Variants in PAWR observed in about 807,000 individuals in gnomAD.
PAWR encodes the protein pro-apoptotic WT1 regulator.
A neutral mutation model predicts 32.0 loss-of-function variants in PAWR; 23 were observed. The ratio of observed to expected loss-of-function variants is 0.72; its 90% CI spans 0.52 to 1.02. PAWR has a LOEUF of 1.02. PAWR is among the 50% of genes least tolerant of loss of function. The pLI is 0.00. For missense variants in PAWR, 457 were observed against 437.7 expected, an observed-to-expected ratio of 1.04 and a Z score of -0.39; for synonymous variants, 226 against 187.1, an observed-to-expected ratio of 1.21 and a Z score of -1.70.
intron 2 of PAWR, among the ~76,000 whole-genome samples, chr12:79,627,212 T>G (rs1050502966): frequency 2.6e-5 from 4 of 152,156 alleles, no homozygotes; most frequent in African/African-American, 9.7e-5. Context: ...ACCAACAGTG[T>G]AAAAGTGTTC....
At chr12:79,672,464 A>AT (rs959040871) in intron 2 of PAWR, among the ~76,000 whole-genome samples, 2 of 151,988 alleles carry the variant, frequency 1.3e-5, no homozygotes, top group African/African-American at 4.8e-5. Flanking sequence ...TACCTAGAAC[A>AT]TTTTTACCCC....
At chr12:79,637,233 G>T (rs1876003751) in intron 2 of PAWR, among the ~76,000 whole-genome samples, 1 of 152,124 alleles carries the variant, frequency 6.6e-6, no homozygotes, top group Non-Finnish European at 1.5e-5. Flanking sequence ...CAAACCATGT[G>T]TGTGGATTAA....
intron 2 of PAWR, among the ~76,000 whole-genome samples, chr12:79,656,461 T>G (rs532519516): frequency 1.3e-5 from 2 of 152,242 alleles, no homozygotes; most frequent in African/African-American, 4.8e-5. Flanking sequence ...CGGGGAAATA[T>G]GGAAGACATA....
At chr12:79,644,958 A>G (rs1373861277) in intron 2 of PAWR, among the ~76,000 whole-genome samples, 2 of 151,954 alleles carry the variant, frequency 1.3e-5, no homozygotes, top group Admixed American at 1.3e-4. Flanking sequence ...ATCCTATTAT[A>G]CTTTCCATAG....
At chr12:79,635,090 A>C (rs1009733914) in intron 2 of PAWR, among the ~76,000 whole-genome samples, 1 of 152,060 alleles carries the variant, frequency 6.6e-6, no homozygotes, top group Non-Finnish European at 1.5e-5. Context: ...AAATTATTCC[A>C]TTCTACTGCC....
At chr12:79,664,259 C>T (rs1351296455) in intron 2 of PAWR, among the ~76,000 whole-genome samples, 1 of 152,030 alleles carries the variant, frequency 6.6e-6, no homozygotes, top group Non-Finnish European at 1.5e-5. Flanking sequence ...TTTCATTACT[C>T]AAAAAGATCT....
intron 4 of PAWR, among the ~76,000 whole-genome samples, chr12:79,610,754 C>T (rs1300226204): frequency 7.1e-6 from 1 of 141,778 alleles, no homozygotes; most frequent in Admixed American, 7.2e-5. Flanking sequence ...TCTGTCTCTA[C>T]CAAAAATTAA....
chr12:79,600,226 C>T (rs1873905900), intron 4 of PAWR, among the ~76,000 whole-genome samples: 1 of 152,078 alleles, frequency 6.6e-6, no homozygotes. Flanking sequence ...CTACTGCTAT[C>T]GCACTCAAAA....
intron 2 of PAWR, among the ~76,000 whole-genome samples, chr12:79,662,545 T>C (rs1166523715): frequency 6.6e-6 from 1 of 152,214 alleles, no homozygotes; most frequent in African/African-American, 2.4e-5. Flanking sequence ...ATTCTAGTTC[T>C]AGACACTTCA....
chr12:79,642,863 T>C (rs1876396562), intron 2 of PAWR, among the ~76,000 whole-genome samples: 1 of 152,198 alleles, frequency 6.6e-6, no homozygotes, highest in Non-Finnish European at 1.5e-5. Context: ...AACAGCAAGC[T>C]ACTGTTGAGG....
chr12:79,648,086 G>A (rs1020880810), intron 2 of PAWR, among the ~76,000 whole-genome samples: 10 of 152,320 alleles, frequency 6.6e-5, no homozygotes, highest in South Asian at 2.1e-4. Context: ...TTGCTTGCCA[G>A]CGGCTCACCT....
intron 4 of PAWR, among the ~76,000 whole-genome samples, chr12:79,607,533 A>C (rs1433308585): frequency 6.6e-6 from 1 of 151,880 alleles, no homozygotes; most frequent in East Asian, 1.9e-4. Flanking sequence ...GTTCAGGATC[A>C]CCCTGGGCAA....
intron 4 of PAWR, among the ~76,000 whole-genome samples, chr12:79,602,583 T>C (rs978234158): frequency 6.6e-6 from 1 of 151,918 alleles, no homozygotes; most frequent in South Asian, 2.1e-4. Context: ...GAAAAAAAAA[T>C]AAGTGTCATA....
At chr12:79,657,603 A>G (rs1383250418) in intron 2 of PAWR, among the ~76,000 whole-genome samples, 1 of 152,070 alleles carries the variant, frequency 6.6e-6, no homozygotes, top group African/African-American at 2.4e-5. Context: ...CATCTTGGCT[A>G]ACACGGTGAA....
chr12:79,594,200 T>A, intron 6 of PAWR, 129 bp downstream of exon 6: 2 of 541,660 alleles, frequency 3.7e-6, no homozygotes, highest in Non-Finnish European at 6.5e-6. Context: ...TGATACCTCT[T>A]ACTAATTATT....
intron 2 of PAWR, among the ~76,000 whole-genome samples, chr12:79,682,638 T>C (rs7307647): frequency 0.2 from 29,847 of 152,140 alleles, 7,764 homozygotes; most frequent in African/African-American, 0.59. Context: ...TTGCTGCTTT[T>C]AGAATTTAAA....
In PAWR at chr12:79,621,147, T is replaced by C. The variant is rs114414439; in HGVS notation, c.577A>G (p.Ile193Val). Reference sequence around the variant, plus strand: ...TTCTGAATAGTGTTCTGTTGTGTAATTGCATCTTCTCGTTTCCGCTCTTTC... The same window carrying C: ...TTCTGAATAGTGTTCTGTTGTGTAACTGCATCTTCTCGTTTCCGCTCTTTC... The part of the protein sequence containing the change: ...GQKERKREDA[I>V]TQQNTIQNEA... Residue 193 changes from isoleucine to valine, a missense_variant, in exon 3 of 7, where the codon ATT (isoleucine) becomes GTT (valine). Physicochemically the swap from Ile to Val is conservative, Grantham distance 29. Coordinates refer to ENST00000328827, the MANE Select transcript of PAWR (RefSeq NM_002583.4). The C allele has an allele frequency of 2.9e-3, 4,745 of 1,610,600 alleles. 85 individuals carry two copies. In the South Asian group the frequency reaches 0.033, roughly 11 times the overall value.
intron 2 of PAWR, among the ~76,000 whole-genome samples, chr12:79,629,998 T>C (rs1875530181): frequency 6.6e-6 from 1 of 151,952 alleles, no homozygotes; most frequent in South Asian, 2.1e-4. Context: ...TAACAATGAA[T>C]ATTTATTTTA....
chr12:79,607,857 A>G (rs1874254808), intron 4 of PAWR, among the ~76,000 whole-genome samples: 1 of 152,022 alleles, frequency 6.6e-6, no homozygotes. Context: ...ACTGGTTAAA[A>G]CAATGATCAT....
Sources: allele counts gnomAD v4.1 joint callset (sites outside exome capture counted in the v4.1 genomes callset), GRCh38; gene constraint gnomAD v4.1.1; transcripts MANE v1.5; gene names NCBI Gene and HGNC (gene_info 2026-07-23, HGNC 2026-07-21).